CTNND2: variants seen among roughly 807,000 people sequenced by gnomAD.
CTNND2 encodes catenin delta-2.
In CTNND2, 22 loss-of-function variants were observed where a neutral mutation model predicts 144.4. That is an observed-to-expected ratio of 0.15 (90% CI 0.11 to 0.22). CTNND2 has a LOEUF of 0.22. Among genes scored for constraint, CTNND2 ranks in the 10% least tolerant of loss-of-function variants. The probability of loss-of-function intolerance (pLI) is 1.00; values close to 1 mark genes in which losing one functional copy is unlikely to be tolerated. For synonymous variants in CTNND2, 751 were observed against 695.6 expected, an observed-to-expected ratio of 1.08 and a Z score of -1.25; for missense variants, 1,353 against 1,618.8, an observed-to-expected ratio of 0.84 and a Z score of 2.82.
intron 3 of CTNND2, among the ~76,000 whole-genome samples, chr5:11,470,121 T>C (rs1218184711): frequency 6.6e-6 from 1 of 152,180 alleles, no homozygotes; most frequent in Admixed American, 6.5e-5. Context: ...ATTATCAGGA[T>C]AGTTTTAGAT....
intron 2 of CTNND2, among the ~76,000 whole-genome samples, chr5:11,679,132 T>C (rs1241541508): frequency 6.6e-6 from 1 of 151,854 alleles, no homozygotes; most frequent in African/African-American, 2.4e-5. Context: ...ATCAGTGTGA[T>C]CAGGGAGATA....
At chr5:11,671,508 C>T (rs190380456) in intron 2 of CTNND2, among the ~76,000 whole-genome samples, 4 of 151,902 alleles carry the variant, frequency 2.6e-5, no homozygotes, top group Admixed American at 1.3e-4. Flanking sequence ...CTTGTCTTCT[C>T]ACTTTATTTC....
At chr5:11,873,232 T>C (rs1425074859) in intron 1 of CTNND2, among the ~76,000 whole-genome samples, 7 of 152,186 alleles carry the variant, frequency 4.6e-5, no homozygotes, top group African/African-American at 1.7e-4. Context: ...TTCCAAGATG[T>C]TTACAGTGTT....
chr5:11,621,904 C>G (rs952012464), intron 2 of CTNND2, among the ~76,000 whole-genome samples: 1 of 152,190 alleles, frequency 6.6e-6, no homozygotes, highest in Admixed American at 6.5e-5. Context: ...GAAGCACTTT[C>G]CTTCCCTTGT....
At position 11,662,236 on chromosome 5, in the gene CTNND2, T is replaced by C. The variant is rs181663492; in HGVS notation, c.174+69900A>G. On this transcript the variant is annotated intron_variant, in intron 2 of 21. Transcript: ENST00000304623. ...ATATACATATATGTGTATATATGTA[T>C]ATATATACATATATGTGTGTATATA... 3.5e-3 allele frequency among the ~76,000 whole-genome samples: 483 copies of C among 138,742 alleles called. 1 individual carries two copies. Among genetic ancestry groups the C allele is most frequent in the African/African-American group, 0.014 (473 of 33,814 alleles). 91.0% of individuals were successfully genotyped at this position (138,742 alleles called of 152,430 possible). A position where few individuals can be genotyped will look rare whatever the true frequency, so the allele number is the denominator to read the frequency against.
chr5:11,307,105 CTT>C lies in CTNND2; in HGVS notation c.1628+39265_1628+39266del. ...TTTGCTCAAAGTGTGATCCCAAAGC[CTT>C]TTTTTTTTTCTGAATTACCTTCAGA... On this transcript the variant is annotated intron_variant, in intron 9 of 21. Transcript: ENST00000304623. Among the ~76,000 whole-genome samples the C allele has an allele frequency of 1.4e-5, 2 of 146,826 alleles. 1 individual carries two copies.
intron 7 of CTNND2, among the ~76,000 whole-genome samples, chr5:11,368,752 A>C (rs6875838): frequency 0.51 from 77,151 of 151,996 alleles, 20,215 homozygotes; most frequent in Admixed American, 0.64. Flanking sequence ...GAATATGTGA[A>C]TTCTGTCCCA....
chr5:11,354,520 T>C lies in CTNND2; in HGVS notation c.1373-7893A>G, dbSNP rs1755659837. On this transcript the variant is annotated intron_variant, in intron 8 of 21. Transcript: ENST00000304623. ...GCATTTCCATGTCAAGCGTATTCCA[T>C]GCTGATCTTGATCTATTCATTTGTC... Among the ~76,000 whole-genome samples the C allele has an allele frequency of 3.3e-5, 5 of 152,238 alleles. No homozygotes were observed. The South Asian group carries it at 8.3e-4, about 25-fold the overall frequency.
intron 1 of CTNND2, among the ~76,000 whole-genome samples, chr5:11,815,587 G>C (rs1264035350): frequency 1.3e-5 from 2 of 152,076 alleles, no homozygotes; most frequent in African/African-American, 4.8e-5. Flanking sequence ...CTATTAAGTA[G>C]TAACTACTAC....
At chr5:11,485,212 G>A (rs1219700137) in intron 3 of CTNND2, among the ~76,000 whole-genome samples, 1 of 152,098 alleles carries the variant, frequency 6.6e-6, no homozygotes. Context: ...AAAACAAAAT[G>A]TAGAATTGTT....
intron 12 of CTNND2, among the ~76,000 whole-genome samples, chr5:11,119,809 T>A: frequency 6.6e-6 from 1 of 152,204 alleles, no homozygotes; most frequent in South Asian, 2.1e-4. Context: ...CAACTTAGGG[T>A]AGCGTGTGTA....
chr5:11,587,917 A>AT lies in CTNND2; in HGVS notation c.175-22862dup, dbSNP rs568528646. Among the ~76,000 whole-genome samples, 1,208 of 147,316 alleles carry AT rather than the reference A, an allele frequency of 8.2e-3. 4 individuals carry two copies. Among genetic ancestry groups the AT allele is most frequent in the Non-Finnish European group, 9.3e-3 (616 of 66,258 alleles). ...TTTCTTTAATCTGTTGGGTATCACA[A>AT]TTTTTTTTTTTTAACTACAGTGGTG... On this transcript the variant is annotated intron_variant, in intron 2 of 21. Transcript: ENST00000304623.
chr5:11,828,568 C>G (rs1354507225), intron 1 of CTNND2, among the ~76,000 whole-genome samples: 1 of 152,082 alleles, frequency 6.6e-6, no homozygotes, highest in Non-Finnish European at 1.5e-5. Flanking sequence ...GAGTTTGCCC[C>G]ACAAGCTCTC....
At chr5:11,538,823 G>A (rs1774458430) in intron 3 of CTNND2, among the ~76,000 whole-genome samples, 1 of 152,008 alleles carries the variant, frequency 6.6e-6, no homozygotes, top group Admixed American at 6.6e-5. Context: ...TTCACAGGAT[G>A]TTATTTTTAA....
At chr5:11,719,160 G>A (rs1293374610) in intron 2 of CTNND2, among the ~76,000 whole-genome samples, 1 of 152,156 alleles carries the variant, frequency 6.6e-6, no homozygotes, top group East Asian at 1.9e-4. Flanking sequence ...GAAAATGCTG[G>A]AGGAATCTGA....
chr5:11,204,986 A>G (rs1737891653), intron 10 of CTNND2, among the ~76,000 whole-genome samples: 1 of 152,128 alleles, frequency 6.6e-6, no homozygotes, highest in African/African-American at 2.4e-5. Context: ...GCTTTTGTCA[A>G]CCTATTATTT....
At chr5:11,151,919 G>C (rs1330516734) in intron 12 of CTNND2, among the ~76,000 whole-genome samples, 1 of 152,150 alleles carries the variant, frequency 6.6e-6, no homozygotes, top group East Asian at 1.9e-4. Flanking sequence ...TACTCCTTTT[G>C]GGGAAGAAAG....
At chr5:11,662,877 G>A (rs1396105340) in intron 2 of CTNND2, among the ~76,000 whole-genome samples, 1 of 152,118 alleles carries the variant, frequency 6.6e-6, no homozygotes, top group Non-Finnish European at 1.5e-5. Context: ...TGTCGAAAAG[G>A]CTGGAGATTT....
chr5:11,011,765 G>A (rs148598596), intron 18 of CTNND2, among the ~76,000 whole-genome samples: 1 of 152,280 alleles, frequency 6.6e-6, no homozygotes, highest in Non-Finnish European at 1.5e-5. Flanking sequence ...AAGCATGCAG[G>A]TAGCATCCCC....
Sources: gnomAD v4.1 joint callset for allele counts (sites outside exome capture counted in the v4.1 genomes callset) on GRCh38, gnomAD v4.1.1 for gene constraint, MANE v1.5 for transcripts, NCBI Gene and HGNC (gene_info 2026-07-23, HGNC 2026-07-21) for gene names.